SIRT1: variants seen among roughly 807,000 people sequenced by gnomAD.
The protein encoded by SIRT1 is NAD-dependent protein deacetylase sirtuin-1.
SIRT1 carries 24 observed loss-of-function variants against 67.9 expected under a neutral mutation model. The observed-to-expected ratio is 0.35, with a 90% CI of 0.26 to 0.50. SIRT1 has a LOEUF of 0.50. Ranked by LOEUF, SIRT1 falls within the 20% of genes least tolerant of loss-of-function variation. The pLI is 0.98. For missense variants in SIRT1, 873 were observed against 937.2 expected, an observed-to-expected ratio of 0.93 and a Z score of 0.89; for synonymous variants, 378 against 350.7, an observed-to-expected ratio of 1.08 and a Z score of -0.87.
At chr10:67,899,634 C>T (rs143469707) in intron 4 of SIRT1, among the ~76,000 whole-genome samples, 6 of 152,126 alleles carry the variant, frequency 3.9e-5, no homozygotes, top group East Asian at 1.9e-4. Flanking sequence ...AGAATAATTT[C>T]GTAACAGCAC....
intron 4 of SIRT1, 67 bp from the exon 5 acceptor site, chr10:67,906,723 G>T: frequency 2.0e-6 from 3 of 1,463,698 alleles, no homozygotes; most frequent in African/African-American, 1.4e-5. Context: ...GTATTTTTTT[G>T]TTAAACATAT....
In SIRT1 at chr10:67,917,592, A is replaced by G. The variant is rs1457606147; in HGVS notation, c.*999A>G. 3 of 152,600 alleles carry G rather than the reference A, an allele frequency of 2.0e-5. No homozygotes were observed. The highest frequency in any genetic ancestry group is 6.5e-5 in the Admixed American group (1 of 15,278). The allele number at this position is 152,600 out of a possible 1,614,324, so 9.5% of individuals were successfully genotyped here. ...CTGTTTTCCATTAATGAGGAGAGCA[A>G]CAGGCCCCTGATTATACAGTTCCAA... On this transcript the variant is annotated 3_prime_UTR_variant, in exon 9 of 9. Transcript: ENST00000212015.
chr10:67,897,068 A>G lies in SIRT1; in HGVS notation c.942+5514A>G, dbSNP rs568883954. 2.0e-4 allele frequency among the ~76,000 whole-genome samples: 30 copies of G among 151,708 alleles called. No individual in the cohort carries two copies. In the East Asian group the frequency reaches 5.6e-3, roughly 28 times the overall value. ...CTACTCGGGAGGCTGAGGCAGCAGAATCACTTGAACCTGGGAGGCGGAGGT... is the reference window on the plus strand; with the variant it reads ...CTACTCGGGAGGCTGAGGCAGCAGAGTCACTTGAACCTGGGAGGCGGAGGT... On this transcript the variant is annotated intron_variant, in intron 4 of 8. Transcript: ENST00000212015.
chr10:67,910,565 AAATTT>A (rs1360441967), intron 7 of SIRT1, among the ~76,000 whole-genome samples: 1 of 152,150 alleles, frequency 6.6e-6, no homozygotes, highest in African/African-American at 2.4e-5. Flanking sequence ...TTGATCTTTC[AAATTT>A]AATTGATTTC....
chr10:67,892,105 T>G (rs910754675), intron 4 of SIRT1, among the ~76,000 whole-genome samples: 1 of 152,160 alleles, frequency 6.6e-6, no homozygotes, highest in Admixed American at 6.6e-5. Flanking sequence ...TGTATTGATA[T>G]GTGCAATAAG....
intron 4 of SIRT1, among the ~76,000 whole-genome samples, chr10:67,901,928 TTGG>T (rs2131871313): frequency 6.6e-6 from 1 of 152,362 alleles, no homozygotes; most frequent in African/African-American, 2.4e-5. Flanking sequence ...ATACTTTTTT[TTGG>T]TGGTGAGAAC....
chr10:67,899,851 G>A (rs748068563), intron 4 of SIRT1, among the ~76,000 whole-genome samples: 24 of 152,100 alleles, frequency 1.6e-4, no homozygotes, highest in Admixed American at 2.6e-4. Flanking sequence ...TTGGGAGGCC[G>A]AGGCGGGTGG....
At chr10:67,891,913 T>C (rs1409179570) in intron 4 of SIRT1, among the ~76,000 whole-genome samples, 1 of 152,248 alleles carries the variant, frequency 6.6e-6, no homozygotes, top group Non-Finnish European at 1.5e-5. Context: ...AACATCACTT[T>C]GGTGTTTCGT....
In SIRT1 at chr10:67,890,200, C is replaced by T. The variant is rs536886998; in HGVS notation, c.789+1077C>T. 1.4e-4 allele frequency among the ~76,000 whole-genome samples: 22 copies of T among 152,052 alleles called. No homozygotes were observed. The South Asian group carries it at 2.5e-3, about 17-fold the overall frequency. ...CCTCCTGAGTAGCTGGGATTACAGGCGCACACCACCACACCTGGCTAATTT... is the reference window on the plus strand; with the variant it reads ...CCTCCTGAGTAGCTGGGATTACAGGTGCACACCACCACACCTGGCTAATTT... On this transcript the variant is annotated intron_variant, in intron 3 of 8. Transcript: ENST00000212015.
intron 3 of SIRT1, among the ~76,000 whole-genome samples, chr10:67,890,879 A>T (rs1192240018): frequency 6.6e-6 from 1 of 151,830 alleles, no homozygotes; most frequent in Non-Finnish European, 1.5e-5. Context: ...AAATACAAAA[A>T]ATCAGCCGGT....
intron 1 of SIRT1, among the ~76,000 whole-genome samples, chr10:67,887,199 A>G (rs1394180652): frequency 6.6e-6 from 1 of 152,144 alleles, no homozygotes; most frequent in Non-Finnish European, 1.5e-5. Flanking sequence ...AGTAGACTTA[A>G]TTTATTTTTA....
Position 67,912,805 on chromosome 10 carries a change from TGATGATTTA to T in SIRT1, c.1694_1702del (p.Asp565_Asp567del). On this transcript the variant is annotated inframe_deletion, in exon 8 of 9. Transcript: ENST00000212015. ...TTTTAGACCAAGCAGCTAAGAGTAATGATGATTTAGATGTGTCTGAATCAAAAGGTTGTA... is the reference window on the plus strand; with the variant it reads ...TTTTAGACCAAGCAGCTAAGAGTAATGATGTGTCTGAATCAAAAGGTTGTA... The T allele has an allele frequency of 6.2e-7, 1 of 1,614,112 alleles. No individual in the cohort carries two copies. Among genetic ancestry groups the T allele is most frequent in the Non-Finnish European group, 8.5e-7 (1 of 1,180,006 alleles).
intron 2 of SIRT1, among the ~76,000 whole-genome samples, chr10:67,888,103 C>T (rs754641049): frequency 2.0e-5 from 3 of 152,160 alleles, no homozygotes; most frequent in Non-Finnish European, 4.4e-5. Flanking sequence ...AAAAAAGTGC[C>T]TGGCACATAG....
Position 67,884,809 on chromosome 10 carries a change from G to T in SIRT1, c.88G>T (p.Gly30Trp). Residue 30 changes from glycine to tryptophan, a missense_variant, in exon 1 of 9, where the codon GGG (glycine) becomes TGG (tryptophan). Gly to Trp is a radical substitution (Grantham distance 184). This residue lies in a region of SIRT1 where 327 missense variants were observed against 283.9 expected (regional missense o/e 1.15). Transcript: ENST00000212015. The stretch of plus-strand genomic sequence containing the variant: ...CAGGGAGGCCGCGTCGTCCCCCGCC[G>T]GGGAGCCGCTCCGCAAGAGGCCGCG... Reference protein sequence around the residue: ...ADREAASSPAGEPLRKRPRRD... With the variant: ...ADREAASSPAWEPLRKRPRRD... The T allele has an allele frequency of 8.5e-7, 1 of 1,171,236 alleles. No homozygotes were observed. The allele number at this position is 1,171,236 out of a possible 1,614,324, so 72.6% of individuals were successfully genotyped here. A position where few individuals can be genotyped will look rare whatever the true frequency, so the allele number is the denominator to read the frequency against.
At chr10:67,900,750 G>T (rs1190609717) in intron 4 of SIRT1, among the ~76,000 whole-genome samples, 2 of 152,108 alleles carry the variant, frequency 1.3e-5, no homozygotes, top group African/African-American at 4.8e-5. Flanking sequence ...GGCCTGTTCT[G>T]TTTTTATTAG....
intron 7 of SIRT1, among the ~76,000 whole-genome samples, chr10:67,912,227 C>G (rs1281782715): frequency 6.6e-6 from 1 of 152,138 alleles, no homozygotes; most frequent in Non-Finnish European, 1.5e-5. Flanking sequence ...GTGGGAAAGT[C>G]TGGGAAGATT....
chr10:67,897,288 TTG>T (rs1378699462), intron 4 of SIRT1, among the ~76,000 whole-genome samples: 1 of 103,498 alleles, frequency 9.7e-6, no homozygotes. Flanking sequence ...GAACTGTATT[TTG>T]TTTTTTTTTT....
intron 5 of SIRT1, among the ~76,000 whole-genome samples, chr10:67,907,292 C>G (rs1178801407): frequency 6.6e-6 from 1 of 151,930 alleles, no homozygotes; most frequent in African/African-American, 2.4e-5. Flanking sequence ...GCCAAGAGTT[C>G]GAGAACAGCT....
chr10:67,902,091 C>T (rs925814527), intron 4 of SIRT1, among the ~76,000 whole-genome samples: 11 of 152,174 alleles, frequency 7.2e-5, no homozygotes, highest in Non-Finnish European at 1.6e-4. Context: ...CAGGTACAAG[C>T]GATTCTCCTG....
Sources: gnomAD v4.1 joint callset for allele counts (sites outside exome capture counted in the v4.1 genomes callset) on GRCh38, gnomAD v4.1.1 for gene constraint, gnomAD v4.1.1 regional missense constraint, MANE v1.5 for transcripts, NCBI Gene and HGNC (gene_info 2026-07-23, HGNC 2026-07-21) for gene names.